The following NOP14 variants were observed in gnomAD, a reference collection of about 807,000 sequenced individuals.
NOP14 encodes the protein NOP14 nucleolar protein.
A neutral mutation model predicts 101.6 loss-of-function variants in NOP14; 57 were observed. That is an observed-to-expected ratio of 0.56 (90% CI 0.45 to 0.70). The LOEUF is 0.70. Among genes scored for constraint, NOP14 ranks in the 30% least tolerant of loss-of-function variants. The pLI, the probability that NOP14 is intolerant of heterozygous loss-of-function variation, is 0.00. For missense variants in NOP14, 1,134 were observed against 1,075.5 expected (o/e 1.05, Z -0.76); for synonymous variants, 428 against 424.0 (o/e 1.01, Z -0.12).
rs772196057 is a variant in NOP14, at chr4:2,941,650, T to G, written c.2131A>C (p.Ile711Leu). Residue 711 changes from isoleucine to leucine, a missense_variant, in exon 15 of 18, where the codon ATC becomes CTC. Physicochemically the swap from Ile to Leu is conservative, Grantham distance 5 (BLOSUM62 2). Transcript: ENST00000416614. ...MYGSLPSFHA[I>L]MGPLQALLTD... ...AGGAGGGCTTGGAGAGGCCCCATGA[T>G]GGCGTGGAAGGATGGCAGGGACCCG... is the stretch of plus-strand genomic sequence containing the variant. 7.4e-6 allele frequency: 12 copies of G among 1,613,482 alleles called. No homozygotes were observed. Among genetic ancestry groups the G allele is most frequent in the Non-Finnish European group, 1.0e-5 (12 of 1,179,956 alleles).
chr4:2,960,008 C>G (rs541418719), intron 1 of NOP14, among the ~76,000 whole-genome samples: 1 of 150,974 alleles, frequency 6.6e-6, no homozygotes, highest in East Asian at 2.0e-4. Flanking sequence ...CTCGCTCTGT[C>G]GCCCAGGCTG....
intron 1 of NOP14, among the ~76,000 whole-genome samples, chr4:2,960,316 G>C (rs1715643678): frequency 6.6e-6 from 1 of 151,956 alleles, no homozygotes; most frequent in African/African-American, 2.4e-5. Flanking sequence ...GAGGGAGGGA[G>C]TGTCACTGGC....
intron 16 of NOP14, 24 bp from the exon 17 acceptor site, chr4:2,939,367 A>G: frequency 1.2e-6 from 2 of 1,613,902 alleles, no homozygotes; most frequent in Non-Finnish European, 1.7e-6. Flanking sequence ...GCCACTGTTA[A>G]GGAAGCAAGA....
At chr4:2,955,629 C>T (rs1715302205) in intron 3 of NOP14, among the ~76,000 whole-genome samples, 1 of 152,260 alleles carries the variant, frequency 6.6e-6, no homozygotes. Context: ...GGCCACTCGC[C>T]CAACTCACAC....
At chr4:2,956,861 G>GA in intron 2 of NOP14, 50 bp from the exon 3 acceptor site, 2 of 1,386,638 alleles carry the variant, frequency 1.4e-6, no homozygotes, top group Non-Finnish European at 9.7e-7. Context: ...CCATTTCACA[G>GA]CAAAAAAAAA....
chr4:2,949,875 G>A, intron 8 of NOP14, 59 bp downstream of exon 8: 1 of 1,596,342 alleles, frequency 6.3e-7, no homozygotes, highest in Non-Finnish European at 8.6e-7. Flanking sequence ...AACACACACA[G>A]CTATGGCCAG....
At chr4:2,944,748 C>T (rs1043801684) in intron 12 of NOP14, among the ~76,000 whole-genome samples, 14 of 152,168 alleles carry the variant, frequency 9.2e-5, no homozygotes, top group Non-Finnish European at 1.9e-4. Context: ...CCATACAGAG[C>T]GTACGATTAC....
Position 2,942,317 on chromosome 4 carries a change from C to G in NOP14, c.1926G>C (p.Gly642=), listed in dbSNP as rs145795270. 1 of 1,614,022 alleles carries G rather than the reference C, an allele frequency of 6.2e-7. No individual in the cohort carries two copies. Among genetic ancestry groups the G allele is most frequent in the African/African-American group, 1.3e-5 (1 of 74,930 alleles). Residue 642 remains glycine (G), a synonymous_variant, in exon 14 of 18, where the codon GGG becomes GGC. Coordinates refer to ENST00000416614, the MANE Select transcript of NOP14 (RefSeq NM_001291978.2). ...STLVHPFRAL[G]KNSELLVVSA... ...ACACCACGAGCAGTTCCGAGTTCTT[C>G]CCAAGCGCTCTGAAAGGGTGCACCA...
Position 2,941,641 on chromosome 4 carries a change from GC to G in NOP14, c.2139del (p.Pro714LeufsTer27). On this transcript the variant is annotated frameshift_variant, in exon 15 of 18. Transcript: ENST00000416614. LOFTEE classifies it high-confidence loss of function. The stretch of plus-strand genomic sequence containing the variant: ...TGATCCGTGAGGAGGGCTTGGAGAG[GC>G]CCCATGATGGCGTGGAAGGATGGCA... ...GSLPSFHAIM[G>X]PLQALLTDHL... The G allele has an allele frequency of 6.2e-7, 1 of 1,613,442 alleles. No individual in the cohort carries two copies. The highest frequency in any genetic ancestry group is 8.5e-7 in the Non-Finnish European group (1 of 1,179,914).
intron 15 of NOP14, 111 bp downstream of exon 15, chr4:2,941,471 T>C (rs1382353829): frequency 2.1e-6 from 2 of 959,504 alleles, no homozygotes; most frequent in African/African-American, 1.7e-5. Context: ...TTTGCAAAGA[T>C]GGTGTTGACT....
At position 2,957,583 on chromosome 4, in the gene NOP14, C is replaced by T. The variant is rs1715435372; in HGVS notation, c.330+23G>A. 1.9e-6 allele frequency: 3 copies of T among 1,612,740 alleles called. No individual in the cohort carries two copies. In the Admixed American group the frequency reaches 5.0e-5, roughly 27 times the overall value. ...TCCCTGTGAAATGTACAGCAAAAAC[C>T]CTCCTCCAGTTTCTTTCCATACCTG... On this transcript the variant is annotated intron_variant, in intron 2 of 17. Transcript: ENST00000416614.
intron 5 of NOP14, among the ~76,000 whole-genome samples, 191 bp from the exon 6 acceptor site, chr4:2,952,588 T>C (rs998596351): frequency 1.3e-5 from 2 of 152,134 alleles, no homozygotes; most frequent in Admixed American, 1.3e-4. Context: ...GCGAAATCAG[T>C]GGACATTCGG....
At chr4:2,957,254 C>T (rs1715411668) in intron 2 of NOP14, among the ~76,000 whole-genome samples, 1 of 152,150 alleles carries the variant, frequency 6.6e-6, no homozygotes, top group Admixed American at 6.5e-5. Context: ...CCCACCTCAG[C>T]CTCCCAAAGT....
intron 3 of NOP14, 88 bp downstream of exon 3, chr4:2,956,582 A>C: frequency 7.9e-7 from 1 of 1,263,774 alleles, no homozygotes; most frequent in East Asian, 2.5e-5. Context: ...AACTTTCTCT[A>C]GTCTCTAAGA....
chr4:2,943,921 C>T lies in NOP14; in HGVS notation c.1891+152G>A, dbSNP rs568044179. On this transcript the variant is annotated intron_variant, in intron 13 of 17. Transcript: ENST00000416614. ...CTTTTCCCCATGTGGCGCGTGCACA[C>T]GCTCACACAGAGGGACAGACAGTGC... is the stretch of plus-strand genomic sequence containing the variant. 1.1e-4 allele frequency: 71 copies of T among 651,434 alleles called. No homozygotes were observed. The East Asian group carries it at 1.4e-3, about 13-fold the overall frequency. 40.4% of individuals were successfully genotyped at this position (651,434 alleles called of 1,614,324 possible). A position where few individuals can be genotyped will look rare whatever the true frequency, so the allele number is the denominator to read the frequency against.
At position 2,938,456 on chromosome 4, in the gene NOP14, G is replaced by T. The variant is rs1287771585; in HGVS notation, c.*375C>A. ...AATCGCTTGAACCCAGGAGGTGGAG[G>T]TTGTGCCATTGCACTCCAGCCTGGG... On this transcript the variant is annotated 3_prime_UTR_variant, in exon 18 of 18. Coordinates refer to ENST00000416614, the MANE Select transcript of NOP14 (RefSeq NM_001291978.2). The T allele has an allele frequency of 2.9e-6, 1 of 348,068 alleles. No individual in the cohort carries two copies. Among genetic ancestry groups the T allele is most frequent in the East Asian group, 7.9e-5 (1 of 12,586 alleles). The allele number at this position is 348,068 out of a possible 1,614,324, so 21.6% of individuals were successfully genotyped here.
At chr4:2,941,549 A>G (rs1470699657) in intron 15 of NOP14, 33 bp downstream of exon 15, 5 of 1,604,318 alleles carry the variant, frequency 3.1e-6, no homozygotes, top group Non-Finnish European at 4.3e-6. Context: ...GTCTGAGCCC[A>G]GGCAGAGCAC....
At position 2,954,460 on chromosome 4, in the gene NOP14, C is replaced by G. The variant is rs1347363225; in HGVS notation, c.576G>C (p.Leu192=). ...EREKPKSRKE[L]IEELIAKSKQ... is the part of the protein sequence containing the mutation. ...TTGACTTGGCAATGAGCTCTTCAAT[C>G]AGCTCTTTCCGGGACTTCGGTTTCT... Residue 192 remains leucine, a synonymous_variant, in exon 4 of 18, where the codon CTG becomes CTC. Transcript: ENST00000416614. The G allele has an allele frequency of 6.2e-7, 1 of 1,614,174 alleles. No individual in the cohort carries two copies. The highest frequency in any genetic ancestry group is 8.5e-7 in the Non-Finnish European group (1 of 1,180,010).
At chr4:2,955,151 G>A (rs1361625631) in intron 3 of NOP14, among the ~76,000 whole-genome samples, 23 of 96,838 alleles carry the variant, frequency 2.4e-4, no homozygotes, top group East Asian at 1.3e-3. Context: ...TGCACCCCAC[G>A]GCGCCCCCTC....
Sources: allele counts gnomAD v4.1 joint callset (sites outside exome capture counted in the v4.1 genomes callset), GRCh38; gene constraint gnomAD v4.1.1; transcripts MANE v1.5; gene names NCBI Gene and HGNC (gene_info 2026-07-23, HGNC 2026-07-21).